ITPR2: variants seen among roughly 807,000 people sequenced by gnomAD.
The protein encoded by ITPR2 is inositol 1,4,5-trisphosphate-gated calcium channel ITPR2.
In ITPR2, 207 loss-of-function variants were observed where a neutral mutation model predicts 317.1. The ratio of observed to expected loss-of-function variants is 0.65; its 90% CI spans 0.58 to 0.73. ITPR2 has a LOEUF of 0.73. ITPR2 is among the 30% of genes least tolerant of loss of function. ITPR2 has a pLI of 0.00. For synonymous variants in ITPR2, 1,156 were observed against 1,149.1 expected, an observed-to-expected ratio of 1.01 and a Z score of -0.12; for missense variants, 2,613 against 3,284.0, an observed-to-expected ratio of 0.80 and a Z score of 4.99.
intron 21 of ITPR2, among the ~76,000 whole-genome samples, chr12:26,635,038 A>G (rs1314040857): frequency 6.6e-6 from 1 of 152,216 alleles, no homozygotes; most frequent in Non-Finnish European, 1.5e-5. Context: ...TAGCAAATGC[A>G]TACTGAGAGC....
Position 26,336,725 on chromosome 12 carries a change from C to G in ITPR2, c.*2672G>C, listed in dbSNP as rs1411401791. Reference sequence around the variant, plus strand: ...TTGAACCAATATGAATTTGAAATAACTAAATATTTTTTCAAAATCTCCCTT... The same window carrying G: ...TTGAACCAATATGAATTTGAAATAAGTAAATATTTTTTCAAAATCTCCCTT... On this transcript the variant is annotated 3_prime_UTR_variant, in exon 57 of 57. Coordinates refer to ENST00000381340, the MANE Select transcript of ITPR2 (RefSeq NM_002223.4). 2.0e-5 allele frequency: 3 copies of G among 152,096 alleles called. No individual in the cohort carries two copies. The highest frequency in any genetic ancestry group is 2.9e-5 in the Non-Finnish European group (2 of 67,998). The allele number at this position is 152,096 out of a possible 1,614,324, so 9.4% of individuals were successfully genotyped here. A position where few individuals can be genotyped will look rare whatever the true frequency, so the allele number is the denominator to read the frequency against.
chr12:26,720,660 A>T (rs1948821956), intron 5 of ITPR2, among the ~76,000 whole-genome samples: 1 of 152,208 alleles, frequency 6.6e-6, no homozygotes, highest in African/African-American at 2.4e-5. Context: ...TGTTTCAGCC[A>T]TGCTTTCTGA....
At chr12:26,501,405 C>T (rs1264429309) in intron 37 of ITPR2, among the ~76,000 whole-genome samples, 1 of 152,152 alleles carries the variant, frequency 6.6e-6, no homozygotes, top group Non-Finnish European at 1.5e-5. Context: ...CAGATAACTC[C>T]TTCGGGAGAA....
intron 21 of ITPR2, among the ~76,000 whole-genome samples, chr12:26,634,446 A>G (rs1484962022): frequency 6.6e-6 from 1 of 152,238 alleles, no homozygotes; most frequent in Non-Finnish European, 1.5e-5. Context: ...CTACTATAAT[A>G]TAAATTCTCT....
intron 20 of ITPR2, among the ~76,000 whole-genome samples, chr12:26,655,356 T>C (rs1947346256): frequency 6.6e-6 from 1 of 152,292 alleles, no homozygotes; most frequent in East Asian, 1.9e-4. Flanking sequence ...GGCTCACACC[T>C]GTAATCCCAG....
chr12:26,696,703 A>T (rs548067434), intron 9 of ITPR2, among the ~76,000 whole-genome samples: 66 of 152,350 alleles, frequency 4.3e-4, no homozygotes, highest in African/African-American at 1.5e-3. Flanking sequence ...CCCAGTTTTT[A>T]TCATGTGGCA....
intron 37 of ITPR2, among the ~76,000 whole-genome samples, chr12:26,547,627 AC>A (rs756366869): frequency 8.5e-5 from 13 of 152,274 alleles, no homozygotes; most frequent in Non-Finnish European, 1.9e-4. Flanking sequence ...ATTATTCACC[AC>A]AGCAAAGACA....
chr12:26,584,043 T>TA (rs1470129714), intron 32 of ITPR2, among the ~76,000 whole-genome samples: 2 of 152,234 alleles, frequency 1.3e-5, no homozygotes, highest in Non-Finnish European at 2.9e-5. Flanking sequence ...ACAACGTCCC[T>TA]ACTCTATTAG....
intron 37 of ITPR2, among the ~76,000 whole-genome samples, chr12:26,549,181 G>T (rs1258967779): frequency 6.6e-6 from 1 of 152,126 alleles, no homozygotes; most frequent in Non-Finnish European, 1.5e-5. Flanking sequence ...ACGTTTTTGA[G>T]TCCTATCTTA....
chr12:26,786,504 C>T (rs971038375), intron 2 of ITPR2, among the ~76,000 whole-genome samples: 2 of 146,554 alleles, frequency 1.4e-5, no homozygotes, highest in African/African-American at 2.6e-5. Context: ...AAATTTTATT[C>T]GCATAAGAAA....
chr12:26,529,918 T>C (rs1442589002), intron 37 of ITPR2, among the ~76,000 whole-genome samples: 2 of 152,220 alleles, frequency 1.3e-5, no homozygotes, highest in Non-Finnish European at 2.9e-5. Flanking sequence ...CATTTCATTG[T>C]TTTGTTTTCT....
intron 1 of ITPR2, among the ~76,000 whole-genome samples, chr12:26,824,455 A>G (rs886098826): frequency 2.2e-4 from 34 of 152,194 alleles, no homozygotes; most frequent in Non-Finnish European, 4.4e-4. Context: ...TAAAATATCA[A>G]TAATAACCAG....
At position 26,715,292 on chromosome 12, in the gene ITPR2, T is replaced by C. The variant is rs1565713067; in HGVS notation, c.855+7A>G. 1 of 1,606,026 alleles carries C rather than the reference T, an allele frequency of 6.2e-7. No homozygotes were observed. The highest frequency in any genetic ancestry group is 2.2e-5 in the East Asian group (1 of 44,814). ...TATTTATTAAGTGCCAAAAAACATT[T>C]ACATACCTCTATTTCCCAGAGTGCT... On this transcript the variant is annotated splice_region_variant and intron_variant, in intron 8 of 56. Coordinates refer to ENST00000381340, the MANE Select transcript of ITPR2 (RefSeq NM_002223.4).
chr12:26,819,394 T>C (rs1950905219), intron 1 of ITPR2, among the ~76,000 whole-genome samples: 1 of 152,246 alleles, frequency 6.6e-6, no homozygotes, highest in African/African-American at 2.4e-5. Context: ...AACAAAATTC[T>C]GCCCATTTGT....
At chr12:26,582,848 G>A (rs1471113472) in intron 32 of ITPR2, among the ~76,000 whole-genome samples, 1 of 152,120 alleles carries the variant, frequency 6.6e-6, no homozygotes, top group Non-Finnish European at 1.5e-5. Context: ...TTGCTTTGGG[G>A]CTCTGGTTGT....
At chr12:26,449,979 C>T (rs952732665) in intron 45 of ITPR2, among the ~76,000 whole-genome samples, 1 of 152,114 alleles carries the variant, frequency 6.6e-6, no homozygotes, top group Non-Finnish European at 1.5e-5. Context: ...GGGCCTTAAT[C>T]CTATGACTAG....
chr12:26,540,341 C>T (rs2136980630), intron 37 of ITPR2, among the ~76,000 whole-genome samples: 1 of 152,248 alleles, frequency 6.6e-6, no homozygotes, highest in Middle Eastern at 3.4e-3. Context: ...GGAAATACTT[C>T]CTGGAAAAGG....
chr12:26,646,970 C>T (rs1947128105), intron 21 of ITPR2, among the ~76,000 whole-genome samples: 1 of 152,166 alleles, frequency 6.6e-6, no homozygotes, highest in South Asian at 2.1e-4. Context: ...CTATTTAGCT[C>T]TTGGTTGGTC....
intron 10 of ITPR2, among the ~76,000 whole-genome samples, chr12:26,689,681 G>A (rs752172016): frequency 1.1e-4 from 17 of 152,146 alleles, no homozygotes; most frequent in Non-Finnish European, 1.6e-4. Flanking sequence ...AACAGCTGAC[G>A]CAAGAAGGCC....
Sources: gnomAD v4.1 joint callset for allele counts (sites outside exome capture counted in the v4.1 genomes callset) on GRCh38, gnomAD v4.1.1 for gene constraint, MANE v1.5 for transcripts, NCBI Gene and HGNC (gene_info 2026-07-23, HGNC 2026-07-21) for gene names.